Variants in EZH2 observed in about 807,000 individuals in gnomAD.
EZH2 encodes histone-lysine N-methyltransferase EZH2.
EZH2 carries 18 observed loss-of-function variants against 98.4 expected under a neutral mutation model. That is an observed-to-expected ratio of 0.18 (90% CI 0.13 to 0.27). The LOEUF (loss-of-function observed/expected upper bound fraction) is 0.27. EZH2 is among the 10% of genes least tolerant of loss of function. The pLI is 1.00. For synonymous variants in EZH2, 338 were observed against 312.3 expected (o/e 1.08, Z -0.87); for missense variants, 470 against 935.1 (o/e 0.50, Z 6.49).
intron 1 of EZH2, among the ~76,000 whole-genome samples, chr7:148,866,553 TAC>T (rs1457539200): frequency 1.0e-5 from 1 of 99,726 alleles, no homozygotes; most frequent in African/African-American, 4.2e-5. Flanking sequence ...TACATATATA[TAC>T]ATATATACAT....
chr7:148,877,249 G>A (rs1037308220), intron 1 of EZH2, among the ~76,000 whole-genome samples: 3 of 152,088 alleles, frequency 2.0e-5, no homozygotes, highest in Non-Finnish European at 2.9e-5. Flanking sequence ...GGATCAATAC[G>A]CTTTCATTTT....
intron 1 of EZH2, among the ~76,000 whole-genome samples, chr7:148,848,576 AACC>A (rs1438190122): frequency 6.6e-6 from 1 of 152,236 alleles, no homozygotes; most frequent in Non-Finnish European, 1.5e-5. Flanking sequence ...AGAAATACTC[AACC>A]ACCAACAGAT....
chr7:148,813,052 TACACAC>T lies in EZH2; in HGVS notation c.1851+901_1851+906del, dbSNP rs142835355. On this transcript the variant is annotated intron_variant, in intron 15 of 19. Transcript: ENST00000320356. ...AGATATGTCTACTCTACACCCCACATACACACACACACACACACACACACACACACA... is the reference window on the plus strand; with the variant it reads ...AGATATGTCTACTCTACACCCCACATACACACACACACACACACACACACA... Among the ~76,000 whole-genome samples, 63 of 132,182 alleles carry T rather than the reference TACACAC, an allele frequency of 4.8e-4. 1 individual carries two copies. In the East Asian group the frequency reaches 0.013, roughly 27 times the overall value. The allele number at this position is 132,182 out of a possible 152,430, so 86.7% of individuals were successfully genotyped here.
At chr7:148,812,004 C>T (rs1803218245) in intron 15 of EZH2, among the ~76,000 whole-genome samples, 1 of 152,210 alleles carries the variant, frequency 6.6e-6, no homozygotes, top group African/African-American at 2.4e-5. Context: ...GTGCTCTAGG[C>T]CTGCTGCACT....
At chr7:148,869,989 G>C (rs1034364308) in intron 1 of EZH2, among the ~76,000 whole-genome samples, 6 of 152,204 alleles carry the variant, frequency 3.9e-5, no homozygotes. Flanking sequence ...GGGAGGCCAA[G>C]GTGAAAGGGT....
chr7:148,809,982 C>T lies in EZH2; in HGVS notation c.2029+351G>A, dbSNP rs556556648. On this transcript the variant is annotated intron_variant, in intron 17 of 19. Transcript: ENST00000320356. ...ATGGTTGCAAATGCAGTGCTCCTCC[C>T]CTCCTTCCCCGCTCAGAGGCACTGA... 5.3e-5 allele frequency among the ~76,000 whole-genome samples: 8 copies of T among 152,358 alleles called. No homozygotes were observed. The South Asian group carries it at 1.7e-3, about 32-fold the overall frequency.
intron 3 of EZH2, among the ~76,000 whole-genome samples, chr7:148,841,621 T>C (rs960711738): frequency 6.6e-6 from 1 of 152,184 alleles, no homozygotes; most frequent in Admixed American, 6.5e-5. Flanking sequence ...TCCTGCAATG[T>C]ATAAAGAAAC....
chr7:148,848,357 C>A (rs959158041), intron 1 of EZH2, among the ~76,000 whole-genome samples: 5 of 152,108 alleles, frequency 3.3e-5, no homozygotes, highest in African/African-American at 1.2e-4. Flanking sequence ...GGGAAAAGTA[C>A]GTGAATTCAA....
intron 3 of EZH2, among the ~76,000 whole-genome samples, chr7:148,839,182 G>C (rs1194606839): frequency 6.6e-6 from 1 of 152,136 alleles, no homozygotes; most frequent in African/African-American, 2.4e-5. Flanking sequence ...TGGTAGAACT[G>C]CCCAGGAAAC....
chr7:148,841,048 T>C (rs377140591), intron 3 of EZH2, among the ~76,000 whole-genome samples: 4 of 152,176 alleles, frequency 2.6e-5, no homozygotes, highest in African/African-American at 9.6e-5. Context: ...GCTAGTTTTA[T>C]TAGTTGCCTA....
At position 148,820,181 on chromosome 7, in the gene EZH2, A is replaced by C. The variant is rs537606823; in HGVS notation, c.908-494T>G. Among the ~76,000 whole-genome samples, 3 of 152,326 alleles carry C rather than the reference A, an allele frequency of 2.0e-5. No homozygotes were observed. In the South Asian group the frequency reaches 6.2e-4, roughly 32 times the overall value. On this transcript the variant is annotated intron_variant, in intron 8 of 19. Coordinates refer to ENST00000320356, the MANE Select transcript of EZH2 (RefSeq NM_004456.5). ...AGATTACTAACATTCAATTCCTGTG[A>C]ATCATACCCAATCCAAGAACCTGGT... is the stretch of plus-strand genomic sequence containing the variant.
At chr7:148,882,654 T>C (rs1038718684) in intron 1 of EZH2, among the ~76,000 whole-genome samples, 1 of 152,152 alleles carries the variant, frequency 6.6e-6, no homozygotes, top group Non-Finnish European at 1.5e-5. Context: ...CCCCTAAAAG[T>C]ATAAACTACA....
intron 17 of EZH2, among the ~76,000 whole-genome samples, chr7:148,809,600 G>T: frequency 6.6e-6 from 1 of 150,736 alleles, no homozygotes; most frequent in East Asian, 1.9e-4. Context: ...ATTCAAGATG[G>T]TTATCTGACT....
At chr7:148,838,267 CT>C (rs772662461) in intron 3 of EZH2, among the ~76,000 whole-genome samples, 1 of 152,004 alleles carries the variant, frequency 6.6e-6, no homozygotes, top group Non-Finnish European at 1.5e-5. Context: ...TGGGATCTCA[CT>C]ATGTTGCTCA....
In EZH2 at chr7:148,810,346, G is replaced by A; in HGVS notation, c.2016C>T (p.Phe672=). 4 of 1,607,714 alleles carry A rather than the reference G, an allele frequency of 2.5e-6. No homozygotes were observed. The highest frequency in any genetic ancestry group is 3.4e-6 in the Non-Finnish European group (4 of 1,174,778). The change falls in exon 17 of 20, where the codon TTC becomes TTT. Residue 672 remains phenylalanine, a synonymous_variant. Coordinates refer to ENST00000320356, the MANE Select transcript of EZH2 (RefSeq NM_004456.5). The part of the protein sequence containing the change: ...VYDKYMCSFL[F]NLNNDFVVDA... ...TCTGAAACATACCATTGTTCAAGTT[G>A]AACAGAAAGCTGCACATGTATTTAT...
At chr7:148,839,571 T>G (rs919775652) in intron 3 of EZH2, among the ~76,000 whole-genome samples, 1 of 152,024 alleles carries the variant, frequency 6.6e-6, no homozygotes, top group Admixed American at 6.6e-5. Flanking sequence ...AAAAACTATT[T>G]TTTTTTGTTT....
rs1233518216 is a variant in EZH2 at position 148,814,150 on chromosome 7, G to A, written c.1673-13C>T. 2 of 1,611,444 alleles carry A rather than the reference G, an allele frequency of 1.2e-6. No individual in the cohort carries two copies. The highest frequency in any genetic ancestry group is 2.7e-5 in the African/African-American group (2 of 74,810). On this transcript the variant is annotated splice_polypyrimidine_tract_variant and intron_variant, in intron 14 of 19. Transcript: ENST00000320356. ...AAGCGGTTTTGACCTTCAGAGAGAG[G>A]TTTGGAGGTTCTTCACTCATCACCG...
At position 148,882,741 on chromosome 7, in the gene EZH2, TTAAAC is replaced by T. The variant is rs752438940; in HGVS notation, c.-8+1418_-8+1422del. Reference sequence around the variant, plus strand: ...ATGATGACATCAAAACGCCACAAAATTAAACTAATAATAACTTGCTTGAACCCTAA... The same window carrying T: ...ATGATGACATCAAAACGCCACAAAATTAATAATAACTTGCTTGAACCCTAA... On this transcript the variant is annotated intron_variant, in intron 1 of 19. Coordinates refer to ENST00000320356, the MANE Select transcript of EZH2 (RefSeq NM_004456.5). 8.3e-4 allele frequency among the ~76,000 whole-genome samples: 127 copies of T among 152,306 alleles called. 1 individual carries two copies. Among genetic ancestry groups the T allele is most frequent in the Middle Eastern group, 6.8e-3 (2 of 294 alleles).
Position 148,838,268 on chromosome 7 carries a change from T to C in EZH2, c.247-5518A>G, listed in dbSNP as rs1239826989. Among the ~76,000 whole-genome samples, 3 of 152,042 alleles carry C rather than the reference T, an allele frequency of 2.0e-5. No homozygotes were observed. In the East Asian group the frequency reaches 5.8e-4, roughly 29 times the overall value. Reference sequence around the variant, plus strand: ...ATTTTTTATTGAGATGGGATCTCACTATGTTGCTCAGGCTGGGAGGAAATT... The same window carrying C: ...ATTTTTTATTGAGATGGGATCTCACCATGTTGCTCAGGCTGGGAGGAAATT... On this transcript the variant is annotated intron_variant, in intron 3 of 19. Transcript: ENST00000320356.
Sources: allele counts gnomAD v4.1 joint callset (sites outside exome capture counted in the v4.1 genomes callset), GRCh38; gene constraint gnomAD v4.1.1; transcripts MANE v1.5; gene names NCBI Gene and HGNC (gene_info 2026-07-23, HGNC 2026-07-21).